The following USH2A variants were observed in gnomAD, a reference collection of about 807,000 sequenced individuals.
The protein encoded by USH2A is usherin, also known as Usher syndrome 2A (autosomal recessive, mild).
USH2A carries 443 observed loss-of-function variants against 538.9 expected under a neutral mutation model. That is an observed-to-expected ratio of 0.82 (90% CI 0.76 to 0.89). The LOEUF (loss-of-function observed/expected upper bound fraction) is 0.89, where lower values mean the gene tolerates loss of function less well. Among genes scored for constraint, USH2A ranks in the 40% least tolerant of loss-of-function variants. The probability of loss-of-function intolerance (pLI) is 0.00; values close to 1 mark genes in which losing one functional copy is unlikely to be tolerated. For synonymous variants in USH2A, 2,413 were observed against 2,273.5 expected, an observed-to-expected ratio of 1.06 and a Z score of -1.75; for missense variants, 6,633 against 6,324.8, an observed-to-expected ratio of 1.05 and a Z score of -1.65.
intron 44 of USH2A, among the ~76,000 whole-genome samples, chr1:215,858,670 GGTT>G (rs1664236037): frequency 6.6e-6 from 1 of 151,442 alleles, no homozygotes; most frequent in Non-Finnish European, 1.5e-5. Context: ...AGCTGAAAAA[GGTT>G]GTAACCTTTT....
chr1:216,270,063 AAC>A (rs1270578581), intron 11 of USH2A, among the ~76,000 whole-genome samples: 4 of 152,144 alleles, frequency 2.6e-5, no homozygotes, highest in Admixed American at 2.6e-4. Flanking sequence ...AAATTAGATG[AAC>A]ACAGTTTTTA....
At chr1:216,202,412 T>C (rs903171604) in intron 16 of USH2A, among the ~76,000 whole-genome samples, 2 of 152,198 alleles carry the variant, frequency 1.3e-5, no homozygotes, top group Admixed American at 6.5e-5. Context: ...CAATTTATAG[T>C]GTGAAAGATA....
chr1:215,810,530 A>C (rs1346240485), intron 49 of USH2A, among the ~76,000 whole-genome samples: 1 of 152,156 alleles, frequency 6.6e-6, no homozygotes, highest in Non-Finnish European at 1.5e-5. Context: ...ATAACATAAA[A>C]ATTTTAATGT....
intron 13 of USH2A, among the ~76,000 whole-genome samples, chr1:216,232,673 C>A (rs2035724347): frequency 6.6e-6 from 1 of 152,132 alleles, no homozygotes; most frequent in Admixed American, 6.6e-5. Context: ...CTCTGACCCC[C>A]TATATTTTGC....
At chr1:216,077,569 A>G (rs2031792644) in intron 27 of USH2A, among the ~76,000 whole-genome samples, 1 of 148,900 alleles carries the variant, frequency 6.7e-6, no homozygotes, top group African/African-American at 2.4e-5. Context: ...TATGCATTAT[A>G]TATATAATTA....
chr1:216,052,359 A>C (rs1446363280), intron 30 of USH2A, among the ~76,000 whole-genome samples: 3 of 124,568 alleles, frequency 2.4e-5, no homozygotes, highest in Admixed American at 2.3e-4. Flanking sequence ...AATAGAAAAC[A>C]AAGGAAAAAA....
intron 21 of USH2A, among the ~76,000 whole-genome samples, chr1:216,105,157 AG>A (rs1181573062): frequency 1.3e-5 from 2 of 152,194 alleles, no homozygotes; most frequent in African/African-American, 4.8e-5. Context: ...TTAATATTTT[AG>A]ATGAAGTTGA....
At chr1:216,309,135 T>C (rs1036491472) in intron 9 of USH2A, among the ~76,000 whole-genome samples, 1 of 152,166 alleles carries the variant, frequency 6.6e-6, no homozygotes, top group African/African-American at 2.4e-5. Context: ...ATGCCAACCT[T>C]ATAAAACTGG....
At chr1:216,205,649 G>A (rs566448548) in intron 16 of USH2A, among the ~76,000 whole-genome samples, 6 of 152,234 alleles carry the variant, frequency 3.9e-5, no homozygotes, top group Non-Finnish European at 4.4e-5. Context: ...TCAGTGTTTC[G>A]ACAGAGCTTT....
intron 47 of USH2A, among the ~76,000 whole-genome samples, chr1:215,836,550 T>C (rs1558120297): frequency 1.1e-4 from 2 of 18,378 alleles, no homozygotes; most frequent in African/African-American, 4.5e-4. Context: ...ATAATATATA[T>C]ATATATATAT....
At chr1:216,149,868 C>T (rs2033798519) in intron 21 of USH2A, among the ~76,000 whole-genome samples, 2 of 152,130 alleles carry the variant, frequency 1.3e-5, no homozygotes, top group African/African-American at 4.8e-5. Context: ...GGATCCTCCC[C>T]ACTGGGTTCA....
intron 43 of USH2A, among the ~76,000 whole-genome samples, chr1:215,870,268 GATTTTTTTTTTATTTTTT>G (rs1432038179): frequency 6.6e-6 from 1 of 150,440 alleles, no homozygotes; most frequent in Non-Finnish European, 1.5e-5. Context: ...AAGGAAACAA[GATTTTTTTTTTATTTTTT>G]ATTTTTTTTT....
intron 4 of USH2A, among the ~76,000 whole-genome samples, chr1:216,330,074 A>C (rs1457411830): frequency 6.6e-6 from 1 of 152,092 alleles, no homozygotes; most frequent in African/African-American, 2.4e-5. Context: ...AAAGACAGCA[A>C]AACTGATGAA....
At chr1:215,846,296 T>C (rs906191161) in intron 44 of USH2A, among the ~76,000 whole-genome samples, 3 of 152,188 alleles carry the variant, frequency 2.0e-5, no homozygotes, top group Non-Finnish European at 4.4e-5. Context: ...CACTGCAGCC[T>C]TGATGTCTTG....
chr1:216,177,330 A>G lies in USH2A; in HGVS notation c.4397-1848T>C, dbSNP rs188543481. The stretch of plus-strand genomic sequence containing the variant: ...ACATATGATATAGAACATTTTTCAT[A>G]TGTGTATTTGCCATCTGTATATCTT... On this transcript the variant is annotated intron_variant, in intron 20 of 71. Transcript: ENST00000307340. Among the ~76,000 whole-genome samples the G allele has an allele frequency of 4.6e-5, 7 of 152,282 alleles. No homozygotes were observed. In the East Asian group the frequency reaches 1.2e-3, roughly 25 times the overall value.
intron 41 of USH2A, among the ~76,000 whole-genome samples, chr1:215,882,329 G>T (rs542942402): frequency 6.6e-6 from 1 of 152,266 alleles, no homozygotes; most frequent in South Asian, 2.1e-4. Context: ...GATCATGTGG[G>T]AATATTTGAC....
intron 29 of USH2A, among the ~76,000 whole-genome samples, chr1:216,071,241 A>G (rs554334402): frequency 6.6e-6 from 1 of 152,252 alleles, no homozygotes; most frequent in East Asian, 1.9e-4. Flanking sequence ...TACTGTCCAG[A>G]CCAATAAAGT....
intron 43 of USH2A, among the ~76,000 whole-genome samples, chr1:215,873,835 A>C (rs1313961227): frequency 3.3e-5 from 5 of 152,100 alleles, no homozygotes; most frequent in Non-Finnish European, 7.4e-5. Flanking sequence ...GAAATGTATA[A>C]ATAATTAAAA....
chr1:216,189,088 C>T (rs1406661000), intron 20 of USH2A, among the ~76,000 whole-genome samples: 1 of 151,842 alleles, frequency 6.6e-6, no homozygotes, highest in African/African-American at 2.4e-5. Context: ...GGTACTCCAT[C>T]AATGTATTCA....
Sources: gnomAD v4.1 joint callset for allele counts (sites outside exome capture counted in the v4.1 genomes callset) on GRCh38, gnomAD v4.1.1 for gene constraint, MANE v1.5 for transcripts, NCBI Gene and HGNC (gene_info 2026-07-23, HGNC 2026-07-21) for gene names.